Variants in NSUN3 observed in about 807,000 individuals in gnomAD.
NSUN3 encodes tRNA (cytosine(34)-C(5))-methyltransferase, mitochondrial.
A neutral mutation model predicts 36.8 loss-of-function variants in NSUN3; 24 were observed. That is an observed-to-expected ratio of 0.65 (90% CI 0.47 to 0.92). NSUN3 has a LOEUF of 0.92. Ranked by LOEUF, NSUN3 falls within the 40% of genes least tolerant of loss-of-function variation. The pLI, the probability that NSUN3 is intolerant of heterozygous loss-of-function variation, is 0.00. For synonymous variants in NSUN3, 146 were observed against 145.2 expected, an observed-to-expected ratio of 1.01 and a Z score of -0.04; for missense variants, 381 against 392.8, an observed-to-expected ratio of 0.97 and a Z score of 0.25.
intron 2 of NSUN3, among the ~76,000 whole-genome samples, chr3:94,066,131 A>G (rs1409417865): frequency 6.6e-6 from 1 of 151,412 alleles, no homozygotes; most frequent in East Asian, 1.9e-4. Context: ...CATATCCTAT[A>G]ATGACTTATT....
chr3:94,095,739 TTTTG>T (rs1047927321), intron 5 of NSUN3, among the ~76,000 whole-genome samples: 38 of 152,102 alleles, frequency 2.5e-4, no homozygotes, highest in African/African-American at 8.0e-4. Flanking sequence ...AACCAAATTT[TTTTG>T]TTTGTTTGTT....
chr3:94,126,325 C>T lies in NSUN3; in HGVS notation c.858C>T (p.Ile286=), dbSNP rs1219820509. ...AAATTTTAAACTCCCACGGTAACAT[C>T]ATGCCTATGGACATTAAAGGAATAG... ...ISEILNSHGN[I]MPMDIKGIAR... The change falls in exon 6 of 6, where the codon ATC becomes ATT. Residue 286 remains isoleucine, a synonymous_variant. Coordinates refer to ENST00000314622, the MANE Select transcript of NSUN3 (RefSeq NM_022072.5). 6.2e-7 allele frequency: 1 copy of T among 1,613,990 alleles called. No homozygotes were observed. The highest frequency in any genetic ancestry group is 1.3e-5 in the African/African-American group (1 of 74,902).
In NSUN3 at chr3:94,094,274, C is replaced by T; in HGVS notation, c.601C>T (p.Gln201Ter). Residue 201 changes from glutamine to a stop codon, truncating the protein, a stop_gained, in exon 4 of 6, where the codon CAG (glutamine) becomes TAG (stop). Coordinates refer to ENST00000314622, the MANE Select transcript of NSUN3 (RefSeq NM_022072.5). LOFTEE classifies it high-confidence loss of function. The part of the protein sequence containing the change: ...ELDGRKMGDA[Q>*]PEMFDKVLVD... ...GGATGGCAGAAAAATGGGAGATGCC[C>T]AGCCTGAAATGTTTGACAAGGTACT... is the stretch of plus-strand genomic sequence containing the variant. 6.2e-7 allele frequency: 1 copy of T among 1,612,322 alleles called. No homozygotes were observed. The highest frequency in any genetic ancestry group is 8.5e-7 in the Non-Finnish European group (1 of 1,179,530).
chr3:94,077,851 A>G (rs2077253124), intron 2 of NSUN3, among the ~76,000 whole-genome samples: 1 of 152,086 alleles, frequency 6.6e-6, no homozygotes, highest in Admixed American at 6.6e-5. Flanking sequence ...TAGTCTGGCT[A>G]GCAGTCTATC....
In NSUN3 at chr3:94,126,974, C is replaced by T. The variant is rs561087602; in HGVS notation, c.*484C>T. On this transcript the variant is annotated 3_prime_UTR_variant, in exon 6 of 6. Transcript: ENST00000314622. Reference sequence around the variant, plus strand: ...GGTATTCTGAGACTAACTTTTTAAGCAGCACTATTTCTAGTTCTGGCAAAA... The same window carrying T: ...GGTATTCTGAGACTAACTTTTTAAGTAGCACTATTTCTAGTTCTGGCAAAA... 1.6e-3 allele frequency: 239 copies of T among 153,140 alleles called. 1 individual carries two copies. The highest frequency in any genetic ancestry group is 2.7e-3 in the Admixed American group (42 of 15,414). 9.5% of individuals were successfully genotyped at this position (153,140 alleles called of 1,614,324 possible).
chr3:94,084,108 G>T lies in NSUN3; in HGVS notation c.124G>T (p.Glu42Ter), dbSNP rs1487711493. The change falls in exon 3 of 6, where the codon GAG becomes TAG. Residue 42 changes from glutamate (E) to a stop codon, truncating the protein, a stop_gained and splice_region_variant. Transcript: ENST00000314622. LOFTEE classifies it high-confidence loss of function. ...TATTTTCTCTTTTTCTATTTCTAGG[G>T]AGATACTAACATCTCCATCATGCTG... ...ELGDAWNTVR[E>*]ILTSPSCWQY... 3 of 1,605,158 alleles carry T rather than the reference G, an allele frequency of 1.9e-6. No homozygotes were observed. The highest frequency in any genetic ancestry group is 2.7e-5 in the African/African-American group (2 of 74,594).
chr3:94,073,169 A>G (rs374571950), intron 2 of NSUN3, among the ~76,000 whole-genome samples: 1 of 152,182 alleles, frequency 6.6e-6, no homozygotes, highest in East Asian at 1.9e-4. Context: ...TTCATGGGGT[A>G]TATGTGACAC....
At position 94,130,313 on chromosome 3, in the gene NSUN3, C is replaced by G. The variant is rs1361037929; in HGVS notation, c.*3823C>G. 2.6e-5 allele frequency among the ~76,000 whole-genome samples: 4 copies of G among 152,158 alleles called. No individual in the cohort carries two copies. Among genetic ancestry groups the G allele is most frequent in the Admixed American group, 1.3e-4 (2 of 15,276 alleles). On this transcript the variant is annotated 3_prime_UTR_variant, in exon 6 of 6. Transcript: ENST00000314622. The stretch of plus-strand genomic sequence containing the variant: ...CATTTTTATGACATCCTAGTAATAG[C>G]AGACCCTGCACAAAGTGGATATCAG...
In NSUN3 at chr3:94,095,102, T is replaced by C. The variant is rs368156575; in HGVS notation, c.691T>C (p.Cys231Arg). The change falls in exon 5 of 6, where the codon TGT (cysteine) becomes CGT (arginine). Residue 231 changes from cysteine to arginine, a missense_variant. Physicochemically the swap from Cys to Arg is radical, Grantham distance 180 (BLOSUM62 -3). Coordinates refer to ENST00000314622, the MANE Select transcript of NSUN3 (RefSeq NM_022072.5). ...LFSSDSQKAS[C>R]RISQRRNLPL... ...TTCTTCTGACTCTCAGAAGGCATCC[T>C]GTAGGATAAGTCAAAGGAGGAATTT... 1 of 1,613,810 alleles carries C rather than the reference T, an allele frequency of 6.2e-7. No individual in the cohort carries two copies. Among genetic ancestry groups the C allele is most frequent in the African/African-American group, 1.3e-5 (1 of 74,916 alleles).
At chr3:94,095,913 ATT>A (rs60524751) in intron 5 of NSUN3, among the ~76,000 whole-genome samples, 1,289 of 124,534 alleles carry the variant, frequency 0.01, 9 homozygotes, top group African/African-American at 0.034. Flanking sequence ...AGCCTAGCTA[ATT>A]TTTTTTTTTT....
chr3:94,120,359 A>G (rs1240218940), intron 5 of NSUN3, among the ~76,000 whole-genome samples: 1 of 152,194 alleles, frequency 6.6e-6, no homozygotes, highest in African/African-American at 2.4e-5. Flanking sequence ...TGTACTACCA[A>G]TCTCCAGAAC....
intron 2 of NSUN3, among the ~76,000 whole-genome samples, chr3:94,080,513 G>A (rs188336305): frequency 2.0e-5 from 3 of 152,282 alleles, no homozygotes; most frequent in African/African-American, 4.8e-5. Flanking sequence ...GCCCACAGCC[G>A]CCCCTTTCCC....
chr3:94,068,011 GTTC>G (rs1442959610), intron 2 of NSUN3, among the ~76,000 whole-genome samples: 1 of 152,018 alleles, frequency 6.6e-6, no homozygotes, highest in Non-Finnish European at 1.5e-5. Context: ...TGGCTATGCT[GTTC>G]TTCTGCTAGG....
intron 5 of NSUN3, among the ~76,000 whole-genome samples, chr3:94,120,953 G>A (rs780748186): frequency 2.6e-5 from 4 of 152,100 alleles, no homozygotes; most frequent in Non-Finnish European, 5.9e-5. Flanking sequence ...AATGAATGTA[G>A]TTACAACTTT....
At position 94,064,564 on chromosome 3, in the gene NSUN3, C is replaced by A; in HGVS notation, c.122+18C>A. 7.1e-7 allele frequency: 1 copy of A among 1,414,612 alleles called. No homozygotes were observed. Among genetic ancestry groups the A allele is most frequent in the Non-Finnish European group, 1.0e-6 (1 of 999,610 alleles). The allele number at this position is 1,414,612 out of a possible 1,614,324, so 87.6% of individuals were successfully genotyped here. A position where few individuals can be genotyped will look rare whatever the true frequency, so the allele number is the denominator to read the frequency against. On this transcript the variant is annotated intron_variant, in intron 2 of 5. Transcript: ENST00000314622. Reference sequence around the variant, plus strand: ...ACAGTAAGGTTAGTATAATTCATCTCGATGCTTTATGATGGAACAAAGTAC... The same window carrying A: ...ACAGTAAGGTTAGTATAATTCATCTAGATGCTTTATGATGGAACAAAGTAC...
rs754390863 is a variant in NSUN3, at chr3:94,129,742, CT to C, written c.*3277del. ...TCTATAAATTGTTTATATATGTTGT[CT>C]TTTTTTTTTTTTTTTTTTTTTTTTG... On this transcript the variant is annotated 3_prime_UTR_variant, in exon 6 of 6. Transcript: ENST00000314622. Among the ~76,000 whole-genome samples, 4,780 of 90,014 alleles carry C rather than the reference CT, an allele frequency of 0.053. 13 individuals are homozygous for C. The highest frequency in any genetic ancestry group is 0.11 in the Middle Eastern group (14 of 126). The allele number at this position is 90,014 out of a possible 152,430, so 59.1% of individuals were successfully genotyped here. A position where few individuals can be genotyped will look rare whatever the true frequency, so the allele number is the denominator to read the frequency against.
intron 2 of NSUN3, chr3:94,076,729 A>C: frequency 4.3e-6 from 6 of 1,388,660 alleles, no homozygotes; most frequent in Non-Finnish European, 6.1e-6. Flanking sequence ...AGATAAGAAC[A>C]TCACTGGAAG....
chr3:94,119,488 A>T (rs1469562275), intron 5 of NSUN3, among the ~76,000 whole-genome samples: 1 of 152,186 alleles, frequency 6.6e-6, no homozygotes, highest in South Asian at 2.1e-4. Context: ...ACCTCAGATC[A>T]TCAGGCATTA....
chr3:94,107,023 A>G (rs1443612804), intron 5 of NSUN3, among the ~76,000 whole-genome samples: 2 of 152,026 alleles, frequency 1.3e-5, no homozygotes, highest in African/African-American at 4.8e-5. Flanking sequence ...GCTCACTGCA[A>G]CCGCCACCTC....
Sources: gnomAD v4.1 joint callset for allele counts (sites outside exome capture counted in the v4.1 genomes callset) on GRCh38, gnomAD v4.1.1 for gene constraint, MANE v1.5 for transcripts, NCBI Gene and HGNC (gene_info 2026-07-23, HGNC 2026-07-21) for gene names.